Variants in ACTR3C observed in about 807,000 individuals in gnomAD.
ACTR3C encodes the protein actin-related protein 3C.
ACTR3C carries 18 observed loss-of-function variants against 26.3 expected under a neutral mutation model. The ratio of observed to expected loss-of-function variants is 0.68; its 90% CI spans 0.47 to 1.01. The LOEUF is 1.01. Ranked by LOEUF, ACTR3C falls within the 50% of genes least tolerant of loss-of-function variation. ACTR3C has a pLI of 0.00. For synonymous variants in ACTR3C, 55 were observed against 94.5 expected, an observed-to-expected ratio of 0.58 and a Z score of 2.42; for missense variants, 184 against 250.7, an observed-to-expected ratio of 0.73 and a Z score of 1.80.
At chr7:150,307,732 C>T (rs1418467296) in intron 1 of ACTR3C, among the ~76,000 whole-genome samples, 2 of 152,188 alleles carry the variant, frequency 1.3e-5, no homozygotes, top group African/African-American at 4.8e-5. Flanking sequence ...TTCGGGGGAC[C>T]TCCCTCCAGA....
the ACTR3C span, among the ~76,000 whole-genome samples, chr7:150,118,940 T>TA: frequency 0.39 from 54,978 of 140,724 alleles, 11,352 homozygotes; most frequent in African/African-American, 0.58. Flanking sequence ...TCAACATTCT[T>TA]AAAAAAAAAA....
chr7:150,167,876 T>C, the ACTR3C span, among the ~76,000 whole-genome samples: 23 of 150,784 alleles, frequency 1.5e-4, no homozygotes, highest in South Asian at 8.3e-4. Flanking sequence ...GTCTTCATCA[T>C]ACAAATTCTT....
the ACTR3C span, among the ~76,000 whole-genome samples, chr7:150,165,656 A>G: frequency 4.0e-5 from 6 of 150,864 alleles, no homozygotes; most frequent in South Asian, 6.4e-4. Flanking sequence ...CCAGCAGAGC[A>G]GCTGGAGTGG....
chr7:150,234,126 T>A, the ACTR3C span, among the ~76,000 whole-genome samples: 2 of 152,198 alleles, frequency 1.3e-5, no homozygotes, highest in African/African-American at 4.8e-5. Flanking sequence ...TCTGGCTCTT[T>A]TAGGTGTAAT....
At chr7:150,023,310 G>GATACATAC in the ACTR3C span, among the ~76,000 whole-genome samples, 2 of 70,746 alleles carry the variant, frequency 2.8e-5, no homozygotes, top group African/African-American at 5.4e-5. Flanking sequence ...TAGATAGATA[G>GATACATAC]ATAGATACAT....
the ACTR3C span, among the ~76,000 whole-genome samples, chr7:150,041,621 C>T: frequency 1.7e-5 from 2 of 120,668 alleles, no homozygotes; most frequent in Non-Finnish European, 3.6e-5. Flanking sequence ...TCAGTCCCTG[C>T]CTCGCGGGGG....
At chr7:149,892,295 A>C in the ACTR3C span, 2 of 1,582,774 alleles carry the variant, frequency 1.3e-6, no homozygotes, top group South Asian at 1.1e-5. Flanking sequence ...ATGTAGGTTT[A>C]TCGATGGCTT....
chr7:149,958,033 G>A, the ACTR3C span, among the ~76,000 whole-genome samples: 2 of 152,152 alleles, frequency 1.3e-5, no homozygotes, highest in African/African-American at 2.4e-5. Flanking sequence ...GTACCAGGAG[G>A]CTTCACTTTG....
the ACTR3C span, among the ~76,000 whole-genome samples, chr7:150,165,154 A>T: frequency 6.6e-6 from 1 of 152,174 alleles, no homozygotes; most frequent in Non-Finnish European, 1.5e-5. Flanking sequence ...AATGCAATTC[A>T]ACATCTCGGT....
intron 6 of ACTR3C, among the ~76,000 whole-genome samples, chr7:150,279,998 G>C (rs188358416): frequency 6.6e-6 from 1 of 152,182 alleles, no homozygotes; most frequent in South Asian, 2.1e-4. Flanking sequence ...CTGAGAAGTA[G>C]AAAGACATCC....
chr7:149,912,899 G>A, the ACTR3C span, among the ~76,000 whole-genome samples: 1 of 152,154 alleles, frequency 6.6e-6, no homozygotes, highest in South Asian at 2.1e-4. Flanking sequence ...AAATTCTTCA[G>A]ATCACTTTAT....
the ACTR3C span, among the ~76,000 whole-genome samples, chr7:150,168,742 A>G: frequency 2.4e-4 from 36 of 150,776 alleles, no homozygotes; most frequent in African/African-American, 8.0e-4. Flanking sequence ...TCAGTGGAAG[A>G]GGCCCCATCT....
At chr7:150,155,384 C>G in the ACTR3C span, among the ~76,000 whole-genome samples, 1 of 151,966 alleles carries the variant, frequency 6.6e-6, no homozygotes, top group South Asian at 2.1e-4. Flanking sequence ...CTGGAAGATG[C>G]TATAAAATCT....
chr7:150,047,175 A>G, the ACTR3C span, among the ~76,000 whole-genome samples: 1 of 151,740 alleles, frequency 6.6e-6, no homozygotes, highest in South Asian at 2.1e-4. Context: ...GATTCCAGAC[A>G]CAGGTGGGAG....
the ACTR3C span, among the ~76,000 whole-genome samples, chr7:150,019,599 AAATAAT>A: frequency 0.027 from 2,987 of 109,764 alleles, 179 homozygotes; most frequent in East Asian, 0.27. Flanking sequence ...TCAAAAATAA[AAATAAT>A]AATAATAATA....
chr7:150,198,460 C>T, the ACTR3C span, among the ~76,000 whole-genome samples: 2 of 140,056 alleles, frequency 1.4e-5, no homozygotes. Context: ...CCCGGCCGCC[C>T]ATCGTCTGAG....
chr7:150,310,352 C>A (rs1796197314), intron 1 of ACTR3C, among the ~76,000 whole-genome samples: 1 of 152,118 alleles, frequency 6.6e-6, no homozygotes, highest in South Asian at 2.1e-4. Flanking sequence ...CCATCCCACA[C>A]CAGGATTTAA....
the ACTR3C span, among the ~76,000 whole-genome samples, chr7:150,092,639 G>C: frequency 4.0e-5 from 6 of 150,406 alleles, no homozygotes; most frequent in East Asian, 1.9e-4. Context: ...GGAAACTACT[G>C]CATGTGTTCA....
At chr7:150,006,357 T>C in the ACTR3C span, among the ~76,000 whole-genome samples, 28 of 150,364 alleles carry the variant, frequency 1.9e-4, no homozygotes, top group South Asian at 2.8e-3. Flanking sequence ...CCACCACGCC[T>C]GGCTAATTTT....
Sources: allele counts gnomAD v4.1 joint callset (sites outside exome capture counted in the v4.1 genomes callset), GRCh38; gene constraint gnomAD v4.1.1; transcripts MANE v1.5; gene names NCBI Gene and HGNC (gene_info 2026-07-23, HGNC 2026-07-21).